The following SRGAP1 variants were observed in gnomAD, a reference collection of about 807,000 sequenced individuals.
SRGAP1 encodes SLIT-ROBO Rho GTPase activating protein 1.
SRGAP1 carries 43 observed loss-of-function variants against 121.9 expected under a neutral mutation model. The ratio of observed to expected loss-of-function variants is 0.35; its 90% CI spans 0.28 to 0.46. The LOEUF (loss-of-function observed/expected upper bound fraction) is 0.46. Among genes scored for constraint, SRGAP1 ranks in the 20% least tolerant of loss-of-function variants. SRGAP1 has a pLI of 1.00. For synonymous variants in SRGAP1, 447 were observed against 485.4 expected, an observed-to-expected ratio of 0.92 and a Z score of 1.04; for missense variants, 1,102 against 1,350.9, an observed-to-expected ratio of 0.82 and a Z score of 2.89.
intron 1 of SRGAP1, among the ~76,000 whole-genome samples, chr12:63,980,024 G>A (rs889561150): frequency 4.6e-5 from 7 of 152,188 alleles, no homozygotes; most frequent in African/African-American, 1.7e-4. Flanking sequence ...ATGCAGTGTG[G>A]GGCCGAGTGC....
chr12:64,112,124 A>C (rs1401688965), intron 17 of SRGAP1, 138 bp downstream of exon 17: 1 of 675,428 alleles, frequency 1.5e-6, no homozygotes, highest in African/African-American at 1.8e-5. Context: ...ACTTGAAATA[A>C]ATTTTTAGAA....
chr12:63,986,543 TCTCCCGAG>T (rs1218346282), intron 2 of SRGAP1, among the ~76,000 whole-genome samples: 2 of 151,858 alleles, frequency 1.3e-5, no homozygotes, highest in African/African-American at 2.4e-5. Flanking sequence ...TCTGCCTCAG[TCTCCCGAG>T]TAGCAGGATT....
chr12:64,047,985 A>T (rs2035167562), intron 6 of SRGAP1, among the ~76,000 whole-genome samples: 1 of 152,204 alleles, frequency 6.6e-6, no homozygotes, highest in Admixed American at 6.5e-5. Flanking sequence ...TGTTACAGAC[A>T]TTCCAATTAT....
Position 64,016,175 on chromosome 12 carries a change from G to A in SRGAP1, c.427-775G>A, listed in dbSNP as rs536186361. Reference sequence around the variant, plus strand: ...TGAAAGTGCTTTCTTGCCAGGCTCAGTGGCTTACATCTATAATCCCAGCAC... The same window carrying A: ...TGAAAGTGCTTTCTTGCCAGGCTCAATGGCTTACATCTATAATCCCAGCAC... On this transcript the variant is annotated intron_variant, in intron 3 of 21. Transcript: ENST00000355086. Among the ~76,000 whole-genome samples the A allele has an allele frequency of 2.0e-5, 3 of 152,270 alleles. No individual in the cohort carries two copies. The South Asian group carries it at 6.2e-4, about 32-fold the overall frequency.
At chr12:64,092,435 G>A (rs1413539443) in intron 12 of SRGAP1, among the ~76,000 whole-genome samples, 1 of 152,016 alleles carries the variant, frequency 6.6e-6, no homozygotes, top group South Asian at 2.1e-4. Flanking sequence ...TTAAATAAAT[G>A]TGCATGTGGC....
chr12:64,013,428 G>A (rs2034308044), intron 3 of SRGAP1, among the ~76,000 whole-genome samples: 1 of 152,166 alleles, frequency 6.6e-6, no homozygotes, highest in African/African-American at 2.4e-5. Flanking sequence ...GCATAGTTCA[G>A]TTCCTTAGCA....
chr12:64,071,539 G>C (rs781149973), intron 8 of SRGAP1, among the ~76,000 whole-genome samples: 2 of 152,178 alleles, frequency 1.3e-5, no homozygotes, highest in Non-Finnish European at 2.9e-5. Flanking sequence ...CCTCTAAACA[G>C]TGAGGCATGT....
chr12:63,870,267 G>A (rs1283467763), intron 1 of SRGAP1, among the ~76,000 whole-genome samples: 1 of 152,158 alleles, frequency 6.6e-6, no homozygotes, highest in Non-Finnish European at 1.5e-5. Flanking sequence ...TCATGGTGGA[G>A]CTGCCTCTTT....
At chr12:64,123,610 A>G (rs1008208819) in intron 18 of SRGAP1, among the ~76,000 whole-genome samples, 2 of 151,942 alleles carry the variant, frequency 1.3e-5, no homozygotes, top group Non-Finnish European at 2.9e-5. Flanking sequence ...GAGTGTTAAC[A>G]TATAATCTAA....
chr12:63,946,333 A>C (rs1391256584), intron 1 of SRGAP1, among the ~76,000 whole-genome samples: 1 of 148,792 alleles, frequency 6.7e-6, no homozygotes, highest in African/African-American at 2.5e-5. Flanking sequence ...ATAATTGACC[A>C]TAAACTTCAT....
At chr12:63,862,792 A>G (rs542489880) in intron 1 of SRGAP1, among the ~76,000 whole-genome samples, 1 of 152,266 alleles carries the variant, frequency 6.6e-6, no homozygotes, top group Non-Finnish European at 1.5e-5. Context: ...TTTGAAAGTG[A>G]TGGCTTTATC....
Position 64,042,991 on chromosome 12 carries a change from G to C in SRGAP1, c.672+19G>C. 6.4e-7 allele frequency: 1 copy of C among 1,560,702 alleles called. No homozygotes were observed. Among genetic ancestry groups the C allele is most frequent in the South Asian group, 1.1e-5 (1 of 88,912 alleles). ...AGAAAAAGTAAGTAAAGAGATTGCA[G>C]AGCTCTTCTGCCTTCATTTGAGGAG... is the stretch of plus-strand genomic sequence containing the variant. On this transcript the variant is annotated intron_variant, in intron 5 of 21. Coordinates refer to ENST00000355086, the MANE Select transcript of SRGAP1 (RefSeq NM_020762.4).
Position 63,984,430 on chromosome 12 carries a change from G to A in SRGAP1, c.263+288G>A, listed in dbSNP as rs142832979. Among the ~76,000 whole-genome samples the A allele has an allele frequency of 2.1e-3, 321 of 152,160 alleles. 1 individual carries two copies. The highest frequency in any genetic ancestry group is 7.6e-3 in the African/African-American group (314 of 41,520). The stretch of plus-strand genomic sequence containing the variant: ...GTAAAATTCTTGATTATAGAAACCC[G>A]GGAGTTGATATCTGCTATAGGTAGG... On this transcript the variant is annotated intron_variant, in intron 2 of 21. Coordinates refer to ENST00000355086, the MANE Select transcript of SRGAP1 (RefSeq NM_020762.4).
intron 1 of SRGAP1, among the ~76,000 whole-genome samples, chr12:63,939,266 A>G (rs994080478): frequency 5.9e-5 from 9 of 152,010 alleles, no homozygotes; most frequent in African/African-American, 2.2e-4. Context: ...CCCAAGACAG[A>G]TCTCAGACTC....
At chr12:64,037,137 G>A (rs1041721134) in intron 4 of SRGAP1, among the ~76,000 whole-genome samples, 8 of 152,164 alleles carry the variant, frequency 5.3e-5, no homozygotes, top group African/African-American at 1.9e-4. Flanking sequence ...ATGTCAAAAG[G>A]AGGAGGTGCT....
chr12:63,878,184 C>T (rs1444911482), intron 1 of SRGAP1, among the ~76,000 whole-genome samples: 1 of 152,174 alleles, frequency 6.6e-6, no homozygotes, highest in Non-Finnish European at 1.5e-5. Flanking sequence ...ATTATCTGTA[C>T]TGCTGCCTGC....
intron 15 of SRGAP1, among the ~76,000 whole-genome samples, chr12:64,107,364 A>G (rs2036361975): frequency 6.6e-6 from 1 of 152,208 alleles, no homozygotes. Context: ...AATCCAAGTC[A>G]AGGTTGAGAA....
At chr12:64,117,572 C>A (rs138318398) in intron 18 of SRGAP1, among the ~76,000 whole-genome samples, 1 of 152,082 alleles carries the variant, frequency 6.6e-6, no homozygotes, top group African/African-American at 2.4e-5. Flanking sequence ...TTTAAGAAAT[C>A]CTTCTGTGTC....
chr12:64,130,633 G>C (rs533880500), intron 21 of SRGAP1, among the ~76,000 whole-genome samples: 1 of 152,172 alleles, frequency 6.6e-6, no homozygotes, highest in Non-Finnish European at 1.5e-5. Flanking sequence ...CCACCATTCT[G>C]TCAATCCAGC....
Sources: allele counts gnomAD v4.1 joint callset (sites outside exome capture counted in the v4.1 genomes callset), GRCh38; gene constraint gnomAD v4.1.1; transcripts MANE v1.5; gene names NCBI Gene and HGNC (gene_info 2026-07-23, HGNC 2026-07-21).